Variants in SMG7 observed in about 807,000 individuals in gnomAD.
The protein encoded by SMG7 is nonsense-mediated mRNA decay factor SMG7.
SMG7 carries 34 observed loss-of-function variants against 148.2 expected under a neutral mutation model. The ratio of observed to expected loss-of-function variants is 0.23; its 90% CI spans 0.17 to 0.31. SMG7 has a LOEUF of 0.31. Ranked by LOEUF, SMG7 falls within the 10% of genes least tolerant of loss-of-function variation. The pLI is 1.00. For synonymous variants in SMG7, 492 were observed against 515.1 expected, an observed-to-expected ratio of 0.96 and a Z score of 0.61; for missense variants, 1,114 against 1,408.4, an observed-to-expected ratio of 0.79 and a Z score of 3.35.
At chr1:183,533,102 CT>C in intron 8 of SMG7, 61 bp from the exon 9 acceptor site, 1 of 1,411,790 alleles carries the variant, frequency 7.1e-7, no homozygotes. Flanking sequence ...AGTTTAATTT[CT>C]TGTGTCAAAG....
intron 1 of SMG7, among the ~76,000 whole-genome samples, chr1:183,479,539 T>C (rs779175165): frequency 3.3e-5 from 5 of 152,110 alleles, no homozygotes; most frequent in Non-Finnish European, 7.4e-5. Flanking sequence ...AAGCCACAGA[T>C]TGGATTTTCT....
rs1007262183 is a variant in SMG7, at chr1:183,481,823, A to G, written c.29+9174A>G. Among the ~76,000 whole-genome samples, 4 of 151,094 alleles carry G rather than the reference A, an allele frequency of 2.6e-5. No individual in the cohort carries two copies. The South Asian group carries it at 6.2e-4, about 23-fold the overall frequency. ...GAGTTGAACACCAGAGTTCAGTTTTACTTATTTTTTTATTTTTCTCAGAGA... is the reference window on the plus strand; with the variant it reads ...GAGTTGAACACCAGAGTTCAGTTTTGCTTATTTTTTTATTTTTCTCAGAGA... On this transcript the variant is annotated intron_variant, in intron 1 of 22. Coordinates refer to ENST00000688051, the MANE Select transcript of SMG7 (RefSeq NM_001375584.1).
intron 4 of SMG7, among the ~76,000 whole-genome samples, chr1:183,518,296 G>A (rs1254205181): frequency 6.6e-6 from 1 of 151,856 alleles, no homozygotes. Context: ...AAAAAACGCT[G>A]TGCTTTTAAA....
At chr1:183,485,155 T>G (rs1655134413) in intron 1 of SMG7, among the ~76,000 whole-genome samples, 1 of 152,242 alleles carries the variant, frequency 6.6e-6, no homozygotes, top group African/African-American at 2.4e-5. Flanking sequence ...GAGACATACA[T>G]GCAGAAAGTG....
At chr1:183,528,081 ATG>A (rs1445754750) in intron 6 of SMG7, 54 bp downstream of exon 6, 1 of 1,366,702 alleles carries the variant, frequency 7.3e-7, no homozygotes, top group East Asian at 2.3e-5. Flanking sequence ...CTTTATAACA[ATG>A]TGGCAGATAA....
chr1:183,547,070 A>G, intron 17 of SMG7, 33 bp from the exon 18 acceptor site: 1 of 1,539,300 alleles, frequency 6.5e-7, no homozygotes, highest in Non-Finnish European at 8.8e-7. Flanking sequence ...GTTATCCCTT[A>G]TTGCTTCTCA....
intron 1 of SMG7, chr1:183,508,185 A>G (rs987565484): frequency 2.1e-6 from 2 of 933,118 alleles, no homozygotes; most frequent in African/African-American, 1.8e-5. Flanking sequence ...CAATTGAGGT[A>G]TAGTATTTTT....
Position 183,542,434 on chromosome 1 carries a change from A to G in SMG7, c.1774A>G (p.Lys592Glu). ...NDGKKDNNKR[K>E]TETKKCTLEK... ...TGGAAAGAAGGACAACAACAAGAGG[A>G]AAACTGAAACCAAGAAATGCACCTT... Residue 592 changes from lysine to glutamate, a missense_variant, in exon 14 of 23, where the codon AAA (lysine) becomes GAA (glutamate). By Grantham distance (56) the Lys-to-Glu change is moderately conservative (BLOSUM62 1). Coordinates refer to ENST00000688051, the MANE Select transcript of SMG7 (RefSeq NM_001375584.1). The G allele has an allele frequency of 6.2e-7, 1 of 1,614,086 alleles. No individual in the cohort carries two copies. The highest frequency in any genetic ancestry group is 1.3e-5 in the African/African-American group (1 of 75,042).
chr1:183,551,093 A>G lies in SMG7; in HGVS notation c.3353A>G (p.Glu1118Gly), dbSNP rs2102830747. ...TATCTCTCAGCAACGTCATCCTCTG[A>G]GAGCAGTTGGCATCAGGCCAGCACT... is the stretch of plus-strand genomic sequence containing the variant. ...IDYLSATSSSESSWHQASTPS... is the reference protein window; with the variant it reads ...IDYLSATSSSGSSWHQASTPS... The change falls in exon 22 of 23, where the codon GAG becomes GGG. Residue 1118 changes from glutamate to glycine, a missense_variant. By Grantham distance (98) the Glu-to-Gly change is moderately conservative. Transcript: ENST00000688051. The G allele has an allele frequency of 1.2e-6, 2 of 1,613,666 alleles. No homozygotes were observed. Among genetic ancestry groups the G allele is most frequent in the African/African-American group, 2.7e-5 (2 of 74,954 alleles).
Position 183,527,428 on chromosome 1 carries a change from G to A in SMG7, c.485-528G>A, listed in dbSNP as rs1666073821. On this transcript the variant is annotated intron_variant, in intron 5 of 22. Coordinates refer to ENST00000688051, the MANE Select transcript of SMG7 (RefSeq NM_001375584.1). The surrounding 1 kb of genome is among the most constrained non-coding windows in gnomAD (Gnocchi z 4.0). ...GCGGTTCCATGAGGAGGTCACATCA[G>A]AGTAAGCAGTGAGTTTGGCAGGGAG... Among the ~76,000 whole-genome samples, 1 of 152,198 alleles carries A rather than the reference G, an allele frequency of 6.6e-6. No homozygotes were observed. The highest frequency in any genetic ancestry group is 2.1e-4 in the South Asian group (1 of 4,830).
intron 18 of SMG7, chr1:183,548,853 G>A: frequency 4.2e-6 from 1 of 238,206 alleles, no homozygotes; most frequent in South Asian, 8.2e-5. Context: ...GAGAGAAACA[G>A]TGTTGGAACA....
At chr1:183,537,632 C>G (rs966683453) in intron 11 of SMG7, among the ~76,000 whole-genome samples, 5 of 152,160 alleles carry the variant, frequency 3.3e-5, no homozygotes, top group African/African-American at 1.2e-4. Flanking sequence ...TTCTTCGGGC[C>G]TTTTTCTTAC....
At chr1:183,488,311 A>C (rs1656013111) in intron 1 of SMG7, among the ~76,000 whole-genome samples, 2 of 152,220 alleles carry the variant, frequency 1.3e-5, no homozygotes, top group South Asian at 4.1e-4. Context: ...TATGGTACCC[A>C]CTGGCCACAT....
intron 1 of SMG7, among the ~76,000 whole-genome samples, chr1:183,496,964 T>G (rs1262269219): frequency 6.6e-6 from 1 of 152,206 alleles, no homozygotes; most frequent in African/African-American, 2.4e-5. Context: ...CCTTAAATAT[T>G]GGAGTTTCTC....
In SMG7 at chr1:183,541,104, G is replaced by T. The variant is rs138210138; in HGVS notation, c.1415+1G>T. On this transcript the variant is annotated splice_donor_variant, in intron 13 of 22. Transcript: ENST00000688051. LOFTEE classifies it high-confidence loss of function. ...AATGGATTGCTGATAATCAGCCAAG[G>T]TAAGTCTGGAACTTCTGGTCTACCC... The T allele has an allele frequency of 3.7e-6, 6 of 1,612,890 alleles. No homozygotes were observed. The highest frequency in any genetic ancestry group is 5.1e-6 in the Non-Finnish European group (6 of 1,179,124).
chr1:183,473,618 C>T (rs1651347329), intron 1 of SMG7: 1 of 449,736 alleles, frequency 2.2e-6, no homozygotes, highest in African/African-American at 2.1e-5. Context: ...GGTCAAAAAT[C>T]TTGATAGAGA....
intron 1 of SMG7, among the ~76,000 whole-genome samples, chr1:183,477,453 T>C (rs944970747): frequency 6.6e-6 from 1 of 150,980 alleles, no homozygotes; most frequent in African/African-American, 2.4e-5. Flanking sequence ...CATATATACA[T>C]GTGTGCATAT....
intron 12 of SMG7, among the ~76,000 whole-genome samples, chr1:183,538,812 TA>T (rs1668250900): frequency 6.6e-6 from 1 of 152,122 alleles, no homozygotes; most frequent in South Asian, 2.1e-4. Flanking sequence ...CCCATTCTTT[TA>T]AAAAGGTAAA....
In SMG7 at chr1:183,526,672, G is replaced by A; in HGVS notation, c.389G>A (p.Ser130Asn). The change falls in exon 5 of 23, where the codon AGC becomes AAC. Residue 130 changes from serine to asparagine, a missense_variant. Ser to Asn is a conservative substitution (Grantham distance 46, BLOSUM62 1). This residue lies in a region of SMG7 where 216 missense variants were observed against 329.1 expected (regional missense o/e 0.66). Transcript: ENST00000688051. ...RVKSSQLGII[S>N]NKQTHTSAIV... ...AAGTCTTCCCAATTGGGAATTATCA[G>A]CAATAAACAGACGCATACCAGCGCC... 2 of 1,613,464 alleles carry A rather than the reference G, an allele frequency of 1.2e-6. No homozygotes were observed. The highest frequency in any genetic ancestry group is 1.7e-6 in the Non-Finnish European group (2 of 1,179,578).
Sources: allele counts gnomAD v4.1 joint callset (sites outside exome capture counted in the v4.1 genomes callset), GRCh38; gene constraint gnomAD v4.1.1; regional missense constraint gnomAD v4.1.1; non-coding constraint Gnocchi (gnomAD v3.1); transcripts MANE v1.5; gene names NCBI Gene and HGNC (gene_info 2026-07-23, HGNC 2026-07-21).